DACH1: variants seen among roughly 807,000 people sequenced by gnomAD.
DACH1 encodes the protein dachshund family transcription factor 1, also known as dachshund homolog 1.
DACH1 carries 12 observed loss-of-function variants against 54.2 expected under a neutral mutation model. The ratio of observed to expected loss-of-function variants is 0.22; its 90% CI spans 0.14 to 0.36. The LOEUF (loss-of-function observed/expected upper bound fraction) is 0.36, where lower values mean the gene tolerates loss of function less well. Ranked by LOEUF, DACH1 falls within the 10% of genes least tolerant of loss-of-function variation. The pLI is 1.00. For synonymous variants in DACH1, 386 were observed against 366.2 expected, an observed-to-expected ratio of 1.05 and a Z score of -0.62; for missense variants, 805 against 929.8, an observed-to-expected ratio of 0.87 and a Z score of 1.75.
At chr13:71,711,001 T>A (rs965816149) in intron 1 of DACH1, among the ~76,000 whole-genome samples, 1 of 152,168 alleles carries the variant, frequency 6.6e-6, no homozygotes, top group African/African-American at 2.4e-5. Context: ...TTATTCTATA[T>A]AAAAGTAAAT....
chr13:71,493,992 T>C (rs1879206345), intron 6 of DACH1, among the ~76,000 whole-genome samples: 1 of 152,160 alleles, frequency 6.6e-6, no homozygotes, highest in South Asian at 2.1e-4. Flanking sequence ...TTTTATTAAA[T>C]TAGATCACAG....
At chr13:71,677,651 T>A (rs1030802968) in intron 2 of DACH1, among the ~76,000 whole-genome samples, 1 of 152,192 alleles carries the variant, frequency 6.6e-6, no homozygotes, top group East Asian at 1.9e-4. Flanking sequence ...TTAACTCCAA[T>A]GTTCAATTCT....
chr13:71,779,203 ATGTG>A (rs766114147), intron 1 of DACH1, among the ~76,000 whole-genome samples: 25,091 of 104,248 alleles, frequency 0.24, 3,388 homozygotes, highest in African/African-American at 0.31. Context: ...ATACGTATAT[ATGTG>A]TATATATATA....
chr13:71,715,392 G>A (rs1882920728), intron 1 of DACH1, among the ~76,000 whole-genome samples: 1 of 152,012 alleles, frequency 6.6e-6, no homozygotes, highest in Non-Finnish European at 1.5e-5. Context: ...TTAGCATAGA[G>A]CATTTAATAA....
intron 2 of DACH1, among the ~76,000 whole-genome samples, chr13:71,670,991 T>C (rs1383829108): frequency 1.3e-5 from 2 of 152,080 alleles, no homozygotes; most frequent in Non-Finnish European, 2.9e-5. Flanking sequence ...ACTTTACTTT[T>C]TAAATCAGAA....
intron 1 of DACH1, among the ~76,000 whole-genome samples, chr13:71,697,127 T>C (rs1324941233): frequency 1.3e-5 from 2 of 152,224 alleles, no homozygotes; most frequent in Non-Finnish European, 2.9e-5. Context: ...TATTGGTGAC[T>C]ATCTGTCTTG....
At chr13:71,469,378 G>T (rs1876873090) in intron 10 of DACH1, among the ~76,000 whole-genome samples, 1 of 151,612 alleles carries the variant, frequency 6.6e-6, no homozygotes, top group Non-Finnish European at 1.5e-5. Flanking sequence ...CTTGCTCAAA[G>T]ATGTAAATTC....
chr13:71,459,639 T>C (rs1410171074), intron 10 of DACH1, among the ~76,000 whole-genome samples: 1 of 151,876 alleles, frequency 6.6e-6, no homozygotes, highest in Non-Finnish European at 1.5e-5. Flanking sequence ...AAATTAAAAC[T>C]GAAATTAAGC....
chr13:71,524,623 AT>A (rs1290712134), intron 6 of DACH1, among the ~76,000 whole-genome samples: 3 of 152,168 alleles, frequency 2.0e-5, no homozygotes, highest in Non-Finnish European at 4.4e-5. Context: ...ACATTAAAAC[AT>A]CTTTTGAATG....
chr13:71,577,858 G>C (rs1055220861), intron 3 of DACH1, among the ~76,000 whole-genome samples: 3 of 152,068 alleles, frequency 2.0e-5, no homozygotes, highest in Non-Finnish European at 4.4e-5. Flanking sequence ...TAACAATTTT[G>C]AGTGTGTGTA....
chr13:71,564,495 C>T (rs576210700), intron 4 of DACH1, among the ~76,000 whole-genome samples: 3 of 146,780 alleles, frequency 2.0e-5, no homozygotes, highest in Non-Finnish European at 4.5e-5. Flanking sequence ...AAAGGTCATA[C>T]TAATAAACTA....
chr13:71,695,558 C>T (rs1881783287), intron 1 of DACH1, among the ~76,000 whole-genome samples: 1 of 152,142 alleles, frequency 6.6e-6, no homozygotes, highest in Non-Finnish European at 1.5e-5. Flanking sequence ...GAGAAGAATG[C>T]ATTGAAGATT....
At chr13:71,662,596 C>T (rs1040555310) in intron 2 of DACH1, among the ~76,000 whole-genome samples, 3 of 152,004 alleles carry the variant, frequency 2.0e-5, no homozygotes, top group African/African-American at 7.2e-5. Flanking sequence ...TACTAATACT[C>T]TAATGATCTA....
chr13:71,453,320 A>G (rs750862113), intron 10 of DACH1, among the ~76,000 whole-genome samples: 63 of 152,330 alleles, frequency 4.1e-4, no homozygotes, highest in Non-Finnish European at 2.9e-4. Flanking sequence ...ATTATCTAAT[A>G]TACTTAATTA....
intron 10 of DACH1, among the ~76,000 whole-genome samples, chr13:71,462,871 TACACACACACACACACACACACACAC>T (rs374818301): frequency 9.7e-6 from 1 of 102,794 alleles, no homozygotes; most frequent in African/African-American, 3.0e-5. Context: ...TCTATCTATC[TACACACACACACACACACACACACAC>T]ACACACACAC....
At chr13:71,654,245 C>T (rs1175394597) in intron 2 of DACH1, among the ~76,000 whole-genome samples, 2 of 151,360 alleles carry the variant, frequency 1.3e-5, no homozygotes, top group East Asian at 1.9e-4. Context: ...CAAAAATAAG[C>T]CGGGTGTGGC....
intron 6 of DACH1, among the ~76,000 whole-genome samples, chr13:71,532,380 T>C (rs1212719513): frequency 6.6e-6 from 1 of 151,952 alleles, no homozygotes; most frequent in Non-Finnish European, 1.5e-5. Flanking sequence ...TTAAATGCAT[T>C]TTAATTTTTC....
chr13:71,750,972 T>C (rs1884896298), intron 1 of DACH1, among the ~76,000 whole-genome samples: 1 of 152,152 alleles, frequency 6.6e-6, no homozygotes, highest in South Asian at 2.1e-4. Flanking sequence ...TTATCTGATG[T>C]TTATGTTTTT....
At chr13:71,796,316 A>C (rs1257125291) in intron 1 of DACH1, among the ~76,000 whole-genome samples, 1 of 152,162 alleles carries the variant, frequency 6.6e-6, no homozygotes, top group Non-Finnish European at 1.5e-5. Context: ...AAAAATAGTT[A>C]ATGGAATTAT....
Sources: allele counts gnomAD v4.1 joint callset (sites outside exome capture counted in the v4.1 genomes callset), GRCh38; gene constraint gnomAD v4.1.1; transcripts MANE v1.5; gene names NCBI Gene and HGNC (gene_info 2026-07-23, HGNC 2026-07-21).